The following EDC3 variants were observed in gnomAD, a reference collection of about 807,000 sequenced individuals.
EDC3 encodes enhancer of mRNA decapping 3.
A neutral mutation model predicts 41.8 loss-of-function variants in EDC3; 20 were observed. The ratio of observed to expected loss-of-function variants is 0.48; its 90% CI spans 0.34 to 0.70. The LOEUF is 0.70. Ranked by LOEUF, EDC3 falls within the 30% of genes least tolerant of loss-of-function variation. EDC3 has a pLI of 0.01. For synonymous variants in EDC3, 206 were observed against 243.2 expected (o/e 0.85, Z 1.42); for missense variants, 444 against 636.8 (o/e 0.70, Z 3.26).
At position 74,644,978 on chromosome 15, in the gene EDC3, T is replaced by C. The variant is rs569467628; in HGVS notation, c.821-4359A>G. 5 of 152,250 alleles carry C rather than the reference T, an allele frequency of 3.3e-5. No individual in the cohort carries two copies. In the South Asian group the frequency reaches 8.3e-4, roughly 25 times the overall value. The allele number at this position is 152,250 out of a possible 1,614,324, so 9.4% of individuals were successfully genotyped here. A position where few individuals can be genotyped will look rare whatever the true frequency, so the allele number is the denominator to read the frequency against. On this transcript the variant is annotated intron_variant, in intron 4 of 6. Coordinates refer to ENST00000315127, the MANE Select transcript of EDC3 (RefSeq NM_025083.5). ...TGACGTACTCCCTGATGTGACGCCT[T>C]GAGAAAGACACAGCCCTACCAAAAT...
At chr15:74,668,729 TGAAAGAAAGAAAGAAA>T (rs10660702) in intron 3 of EDC3, among the ~76,000 whole-genome samples, 3 of 140,236 alleles carry the variant, frequency 2.1e-5, no homozygotes, top group African/African-American at 8.3e-5. Flanking sequence ...CAAAAATGAA[TGAAAGAAAGAAAGAAA>T]GAAAGAAAGA....
rs1367759440 is a variant in EDC3 at position 74,630,955 on chromosome 15, A to G, written c.*1657T>C. 6.6e-6 allele frequency: 1 copy of G among 152,220 alleles called. No homozygotes were observed. Among genetic ancestry groups the G allele is most frequent in the Non-Finnish European group, 1.5e-5 (1 of 68,048 alleles). The allele number at this position is 152,220 out of a possible 1,614,324, so 9.4% of individuals were successfully genotyped here. A position where few individuals can be genotyped will look rare whatever the true frequency, so the allele number is the denominator to read the frequency against. ...CAGGCAGCCAGAACCTACCTACCAA[A>G]AAGCCTGTAACCTAGACTGCTCCTC... On this transcript the variant is annotated 3_prime_UTR_variant, in exon 7 of 7. Coordinates refer to ENST00000315127, the MANE Select transcript of EDC3 (RefSeq NM_025083.5).
At chr15:74,647,185 T>C (rs2062428885) in intron 4 of EDC3, among the ~76,000 whole-genome samples, 1 of 152,112 alleles carries the variant, frequency 6.6e-6, no homozygotes, top group African/African-American at 2.4e-5. Context: ...AATTTTTATA[T>C]TTTTAGTAGA....
chr15:74,694,164 T>C (rs1381881609), intron 1 of EDC3, among the ~76,000 whole-genome samples: 1 of 152,158 alleles, frequency 6.6e-6, no homozygotes, highest in African/African-American at 2.4e-5. Context: ...ACATCTTCCA[T>C]TTTGTATTAA....
chr15:74,694,724 GGTGT>G (rs10546854), intron 1 of EDC3, among the ~76,000 whole-genome samples: 11 of 151,424 alleles, frequency 7.3e-5, no homozygotes, highest in African/African-American at 1.2e-4. Context: ...ACTTTTCATT[GGTGT>G]GTGTGTGTGT....
intron 4 of EDC3, among the ~76,000 whole-genome samples, chr15:74,648,814 GA>G (rs1271609272): frequency 1.3e-5 from 2 of 152,206 alleles, no homozygotes; most frequent in Admixed American, 6.5e-5. Context: ...CTTGAGGACA[GA>G]AGAGGGCTGC....
chr15:74,642,893 G>A (rs1037609478), intron 4 of EDC3: 5 of 152,346 alleles, frequency 3.3e-5, no homozygotes, highest in African/African-American at 1.2e-4. Context: ...CTGGCTAGAT[G>A]CTGCTGCTGG....
chr15:74,683,441 A>T (rs1012242155), intron 1 of EDC3, among the ~76,000 whole-genome samples: 1 of 152,164 alleles, frequency 6.6e-6, no homozygotes, highest in African/African-American at 2.4e-5. Context: ...AGGCTGAGGC[A>T]GGAGAATCAC....
chr15:74,693,747 G>A (rs1186811614), intron 1 of EDC3, among the ~76,000 whole-genome samples: 2 of 152,152 alleles, frequency 1.3e-5, no homozygotes, highest in Non-Finnish European at 2.9e-5. Flanking sequence ...ACTTTGGGAG[G>A]CTGAGGTGAG....
chr15:74,660,417 AT>A (rs1352214736), intron 3 of EDC3, among the ~76,000 whole-genome samples: 8 of 1,248 alleles, frequency 6.4e-3, no homozygotes, highest in South Asian at 0.11. Context: ...CTCCAAAAAT[AT>A]ATATATATAT....
intron 4 of EDC3, among the ~76,000 whole-genome samples, chr15:74,652,589 G>GT (rs201531519): frequency 5.4e-4 from 74 of 136,638 alleles, no homozygotes; most frequent in East Asian, 1.6e-3. Flanking sequence ...AGGTTTTTGT[G>GT]TTTTTTTTTT....
intron 3 of EDC3, among the ~76,000 whole-genome samples, chr15:74,661,846 G>T (rs11072498): frequency 0.31 from 46,725 of 151,778 alleles, 9,756 homozygotes; most frequent in African/African-American, 0.55. Flanking sequence ...TAATAGGAAA[G>T]GAGTATTCCT....
chr15:74,673,452 G>A (rs1468280332), intron 2 of EDC3, among the ~76,000 whole-genome samples: 2 of 152,092 alleles, frequency 1.3e-5, no homozygotes, highest in Non-Finnish European at 2.9e-5. Flanking sequence ...GATTAGCTCC[G>A]AAAATCTTGC....
intron 4 of EDC3, among the ~76,000 whole-genome samples, chr15:74,653,433 C>T (rs921523464): frequency 5.3e-5 from 8 of 152,124 alleles, no homozygotes; most frequent in South Asian, 4.2e-4. Flanking sequence ...CCTTGGAACT[C>T]GAACACAGAG....
chr15:74,656,013 C>T lies in EDC3; in HGVS notation c.540G>A (p.Lys180=), dbSNP rs776173074. 6.2e-7 allele frequency: 1 copy of T among 1,613,606 alleles called. No individual in the cohort carries two copies. The highest frequency in any genetic ancestry group is 2.2e-5 in the East Asian group (1 of 44,868). The change falls in exon 4 of 7, where the codon AAG becomes AAA. Residue 180 remains lysine (K), a synonymous_variant. Coordinates refer to ENST00000315127, the MANE Select transcript of EDC3 (RefSeq NM_025083.5). ...NQATPKKSGL[K]NGQMKNKDDE... ...CATCTTTATTCTTCATCTGGCCATT[C>T]TTTAAACCACTTTTCTTGGGAGTTG...
intron 1 of EDC3, among the ~76,000 whole-genome samples, chr15:74,681,894 G>T (rs1047784912): frequency 3.9e-5 from 6 of 151,964 alleles, no homozygotes; most frequent in Non-Finnish European, 8.8e-5. Flanking sequence ...AAGAAAAGCT[G>T]GTCAACTAGA....
chr15:74,693,658 A>G (rs1402801896), intron 1 of EDC3, among the ~76,000 whole-genome samples: 2 of 152,160 alleles, frequency 1.3e-5, no homozygotes, highest in Admixed American at 1.3e-4. Context: ...ACAATCTGGC[A>G]AATTCCTCCA....
At chr15:74,649,166 G>A (rs949894527) in intron 4 of EDC3, among the ~76,000 whole-genome samples, 3 of 148,968 alleles carry the variant, frequency 2.0e-5, no homozygotes, top group Admixed American at 6.8e-5. Flanking sequence ...CCAGGTTCAC[G>A]CCATTCTCCT....
chr15:74,637,941 C>T (rs1341189451), intron 5 of EDC3: 1 of 152,200 alleles, frequency 6.6e-6, no homozygotes, highest in Non-Finnish European at 1.5e-5. Flanking sequence ...CAGATCTGCC[C>T]TGCTCTTTGG....
Sources: gnomAD v4.1 joint callset for allele counts (sites outside exome capture counted in the v4.1 genomes callset) on GRCh38, gnomAD v4.1.1 for gene constraint, MANE v1.5 for transcripts, NCBI Gene and HGNC (gene_info 2026-07-23, HGNC 2026-07-21) for gene names.